HDGFL3: variants seen among roughly 807,000 people sequenced by gnomAD.
HDGFL3 encodes the protein hepatoma-derived growth factor-related protein 3.
A neutral mutation model predicts 27.6 loss-of-function variants in HDGFL3; 6 were observed. That is an observed-to-expected ratio of 0.22 (90% CI 0.12 to 0.43). The LOEUF is 0.43. Ranked by LOEUF, HDGFL3 falls within the 20% of genes least tolerant of loss-of-function variation. The pLI is 1.00. For missense variants in HDGFL3, 207 were observed against 250.1 expected (o/e 0.83, Z 1.16); for synonymous variants, 88 against 88.9 (o/e 0.99, Z 0.05).
intron 1 of HDGFL3, chr15:83,179,943 AAG>A (rs1226384868): frequency 1.3e-5 from 2 of 152,422 alleles, no homozygotes; most frequent in African/African-American, 4.8e-5. Context: ...TGTGAAGGGA[AAG>A]AGAGAAAGGG....
chr15:83,122,422 T>C (rs1185671093), intron 3 of HDGFL3, among the ~76,000 whole-genome samples: 4 of 152,234 alleles, frequency 2.6e-5, no homozygotes, highest in African/African-American at 9.6e-5. Flanking sequence ...TAGATATAGA[T>C]ATAGGGAGAT....
At chr15:83,206,918 G>T (rs956826344) in intron 1 of HDGFL3, among the ~76,000 whole-genome samples, 1 of 152,128 alleles carries the variant, frequency 6.6e-6, no homozygotes, top group African/African-American at 2.4e-5. Flanking sequence ...GCCGGCTCGC[G>T]GACAGCCGCT....
chr15:83,186,402 C>T (rs1039273405), intron 1 of HDGFL3, among the ~76,000 whole-genome samples: 6 of 152,138 alleles, frequency 3.9e-5, no homozygotes, highest in African/African-American at 1.4e-4. Context: ...TGATATTAAC[C>T]TATTGTAATT....
chr15:83,181,330 T>C (rs1377206575), intron 1 of HDGFL3, among the ~76,000 whole-genome samples: 1 of 152,208 alleles, frequency 6.6e-6, no homozygotes, highest in Non-Finnish European at 1.5e-5. Flanking sequence ...GAAGAATATA[T>C]GTGGGGCATT....
At chr15:83,112,788 T>A in exon 4 of HDGFL3, 1 of 1,605,110 alleles carries the variant, frequency 6.2e-7, no homozygotes. Context: ...CCTGTTCTGG[T>A]CGTTGCAGTT....
exon 4 of HDGFL3, chr15:83,112,934 G>T (rs781500097): frequency 6.8e-7 from 1 of 1,478,466 alleles, no homozygotes; most frequent in Non-Finnish European, 9.5e-7. Flanking sequence ...TTTTGTATCT[G>T]ATTAATAACA....
intron 5 of HDGFL3, among the ~76,000 whole-genome samples, chr15:83,141,426 T>C (rs569710815): frequency 6.6e-6 from 1 of 152,324 alleles, no homozygotes; most frequent in Admixed American, 6.5e-5. Flanking sequence ...GGAATGATAA[T>C]ATTCAATATG....
chr15:83,163,624 C>T (rs1567170368), intron 2 of HDGFL3: 1 of 187,028 alleles, frequency 5.3e-6, no homozygotes, highest in Non-Finnish European at 1.1e-5. Context: ...CCAGAGAGAA[C>T]ATAACTTTGT....
chr15:83,188,589 A>G (rs2037473750), intron 1 of HDGFL3, among the ~76,000 whole-genome samples: 1 of 152,156 alleles, frequency 6.6e-6, no homozygotes, highest in African/African-American at 2.4e-5. Context: ...TTTCCACTGC[A>G]TATTTATTCA....
chr15:83,203,167 A>C (rs572947977), intron 1 of HDGFL3, among the ~76,000 whole-genome samples: 193 of 152,198 alleles, frequency 1.3e-3, no homozygotes, highest in African/African-American at 4.1e-3. Context: ...AAGCACAATA[A>C]TTTTGAGGCT....
chr15:83,160,917 T>C (rs533996762), intron 2 of HDGFL3, among the ~76,000 whole-genome samples: 2 of 152,296 alleles, frequency 1.3e-5, no homozygotes, highest in South Asian at 4.1e-4. Flanking sequence ...ACCTTTTCCT[T>C]ATTGTTCACC....
rs975685047 is a variant in HDGFL3, at chr15:83,157,648, C to G, written c.301-75G>C. The G allele has an allele frequency of 3.7e-6, 5 of 1,363,970 alleles. No individual in the cohort carries two copies. The African/African-American group carries it at 7.3e-5, about 20-fold the overall frequency. 84.5% of individuals were successfully genotyped at this position (1,363,970 alleles called of 1,614,324 possible). A position where few individuals can be genotyped will look rare whatever the true frequency, so the allele number is the denominator to read the frequency against. On this transcript the variant is annotated intron_variant, in intron 3 of 5. Coordinates refer to ENST00000299633, the MANE Select transcript of HDGFL3 (RefSeq NM_016073.4). ...AGAACAAACACTGAAAAGAACTACTCTGTTTTCATTTGAAAGGGTTCCGCT... is the reference window on the plus strand; with the variant it reads ...AGAACAAACACTGAAAAGAACTACTGTGTTTTCATTTGAAAGGGTTCCGCT...
intron 2 of HDGFL3, among the ~76,000 whole-genome samples, chr15:83,160,549 G>C (rs988408184): frequency 2.9e-5 from 4 of 139,038 alleles, no homozygotes; most frequent in Non-Finnish European, 6.2e-5. Context: ...AAATATTTTG[G>C]GGGGGGAACA....
chr15:83,146,599 C>T (rs1389528697), intron 5 of HDGFL3, among the ~76,000 whole-genome samples: 3 of 152,088 alleles, frequency 2.0e-5, no homozygotes, highest in Non-Finnish European at 4.4e-5. Flanking sequence ...TCCTTGATTC[C>T]CTGGCCTCTA....
chr15:83,197,021 T>C (rs2037578156), intron 1 of HDGFL3, among the ~76,000 whole-genome samples: 1 of 152,220 alleles, frequency 6.6e-6, no homozygotes, highest in African/African-American at 2.4e-5. Flanking sequence ...GCTTTTACAA[T>C]ATAAAAATAA....
intron 5 of HDGFL3, among the ~76,000 whole-genome samples, chr15:83,150,612 G>A (rs908392340): frequency 2.0e-5 from 3 of 152,154 alleles, no homozygotes; most frequent in African/African-American, 7.2e-5. Flanking sequence ...CTTCATAGAG[G>A]AAAGACTCAT....
rs893281618 is a variant in HDGFL3 at position 83,132,290 on chromosome 15, C to A, written c.*6980G>T. ...GTTGTTCCGAAGATTAACCTGAAGA[C>A]AAACTAATTAAATTAAGTGTATTGT... On this transcript the variant is annotated 3_prime_UTR_variant, in exon 6 of 6. Transcript: ENST00000299633. The A allele has an allele frequency of 1.3e-5, 2 of 152,300 alleles. No homozygotes were observed. The highest frequency in any genetic ancestry group is 4.1e-4 in the South Asian group (2 of 4,826). The allele number at this position is 152,300 out of a possible 1,614,324, so 9.4% of individuals were successfully genotyped here.
At chr15:83,178,877 G>T (rs898278228) in intron 1 of HDGFL3, among the ~76,000 whole-genome samples, 1 of 152,106 alleles carries the variant, frequency 6.6e-6, no homozygotes, top group East Asian at 1.9e-4. Flanking sequence ...TATTCACTGC[G>T]AAATGGATCA....
In HDGFL3 at chr15:83,207,079, G is replaced by A. The variant is rs956610320; in HGVS notation, c.84+252C>T. On this transcript the variant is annotated intron_variant, in intron 1 of 5. Transcript: ENST00000299633. This position sits in a 1 kb window ranked among gnomAD's most constrained non-coding sequence, Gnocchi z 4.8. ...GGCTTTCCAGGAGGAAGGCAGCGTC[G>A]GGCCTGCGGGGGCCGGACCCGCCTT... Among the ~76,000 whole-genome samples, 1 of 152,188 alleles carries A rather than the reference G, an allele frequency of 6.6e-6. No individual in the cohort carries two copies. Among genetic ancestry groups the A allele is most frequent in the African/African-American group, 2.4e-5 (1 of 41,458 alleles).
Sources: gnomAD v4.1 joint callset for allele counts (sites outside exome capture counted in the v4.1 genomes callset) on GRCh38, gnomAD v4.1.1 for gene constraint, Gnocchi (gnomAD v3.1) non-coding constraint, MANE v1.5 for transcripts, NCBI Gene and HGNC (gene_info 2026-07-23, HGNC 2026-07-21) for gene names.